The following CD200R1 variants were observed in gnomAD, a reference collection of about 807,000 sequenced individuals.
The protein encoded by CD200R1 is CD200 receptor 1, also known as cell surface glycoprotein CD200 receptor 1.
CD200R1 carries 30 observed loss-of-function variants against 38.1 expected under a neutral mutation model. That is an observed-to-expected ratio of 0.79 (90% confidence interval 0.59 to 1.07). The LOEUF is 1.07. Among genes scored for constraint, CD200R1 ranks in the 50% least tolerant of loss-of-function variants. The pLI is 0.00. For missense variants in CD200R1, 372 were observed against 415.4 expected (o/e 0.90, Z 0.91); for synonymous variants, 128 against 152.1 (o/e 0.84, Z 1.16).
intron 1 of CD200R1, among the ~76,000 whole-genome samples, chr3:112,966,858 C>T (rs1024108380): frequency 2.0e-5 from 3 of 152,096 alleles, no homozygotes; most frequent in African/African-American, 7.2e-5. Context: ...GTGCCCACAG[C>T]CTCAATTTCC....
intron 1 of CD200R1, among the ~76,000 whole-genome samples, chr3:112,970,819 A>G (rs1933288688): frequency 6.6e-6 from 1 of 152,124 alleles, no homozygotes; most frequent in Non-Finnish European, 1.5e-5. Context: ...TCTCATCTTA[A>G]TCCTCAATTT....
intron 2 of CD200R1, among the ~76,000 whole-genome samples, chr3:112,941,105 G>T (rs1940717868): frequency 6.6e-6 from 1 of 151,592 alleles, no homozygotes; most frequent in Admixed American, 6.6e-5. Flanking sequence ...AAAAAAGTTG[G>T]TCTCATAGAA....
At chr3:112,928,708 G>A (rs1432134231) in intron 5 of CD200R1, 108 bp downstream of exon 5, 2 of 793,328 alleles carry the variant, frequency 2.5e-6, no homozygotes, top group Non-Finnish European at 4.0e-6. Context: ...TAAAAATGAA[G>A]AGTGGGGAGA....
intron 2 of CD200R1, among the ~76,000 whole-genome samples, chr3:112,931,520 C>T (rs1940438871): frequency 6.6e-6 from 1 of 152,192 alleles, no homozygotes; most frequent in African/African-American, 2.4e-5. Context: ...AATTATATCC[C>T]TTTCTTCAGC....
intron 2 of CD200R1, among the ~76,000 whole-genome samples, chr3:112,938,279 G>A (rs1468570104): frequency 6.6e-6 from 1 of 152,052 alleles, no homozygotes; most frequent in South Asian, 2.1e-4. Flanking sequence ...AGTTTTCAAG[G>A]GGAATGCTTC....
intron 2 of CD200R1, among the ~76,000 whole-genome samples, chr3:112,932,372 C>T (rs573053070): frequency 1.8e-4 from 27 of 152,246 alleles, no homozygotes; most frequent in Admixed American, 9.8e-4. Flanking sequence ...CAGTCCTACC[C>T]GGGACAAACC....
In CD200R1 at chr3:112,923,604, A is replaced by C; in HGVS notation, c.*73T>G. 1.3e-6 allele frequency: 1 copy of C among 798,104 alleles called. No homozygotes were observed. The highest frequency in any genetic ancestry group is 2.1e-6 in the Non-Finnish European group (1 of 484,800). The allele number at this position is 798,104 out of a possible 1,614,324, so 49.4% of individuals were successfully genotyped here. A position where few individuals can be genotyped will look rare whatever the true frequency, so the allele number is the denominator to read the frequency against. ...TTTCAATATAAGTCTTCATTCTAGA[A>C]CTGTAAGAAAATCAGACAGTAATTA... On this transcript the variant is annotated 3_prime_UTR_variant, in exon 8 of 8. Transcript: ENST00000308611.
At chr3:112,931,883 C>T (rs1248275807) in intron 2 of CD200R1, among the ~76,000 whole-genome samples, 1 of 152,088 alleles carries the variant, frequency 6.6e-6, no homozygotes, top group Non-Finnish European at 1.5e-5. Context: ...AGCATAAAAG[C>T]ACCCTGCCTC....
chr3:112,951,215 A>G (rs926950279), intron 1 of CD200R1, among the ~76,000 whole-genome samples: 3 of 152,132 alleles, frequency 2.0e-5, no homozygotes, highest in Admixed American at 6.5e-5. Flanking sequence ...GAAAGGAAAA[A>G]TGAGGGAATA....
intron 1 of CD200R1, among the ~76,000 whole-genome samples, chr3:112,950,326 G>A (rs1413190390): frequency 3.3e-5 from 5 of 151,414 alleles, no homozygotes; most frequent in African/African-American, 7.3e-5. Context: ...GCTTGAACCC[G>A]GGAGGCAGAG....
rs567984094 is a variant in CD200R1 at position 112,921,496 on chromosome 3, G to T, written c.*2181C>A. 6.6e-6 allele frequency: 1 copy of T among 151,936 alleles called. No individual in the cohort carries two copies. Among genetic ancestry groups the T allele is most frequent in the South Asian group, 2.1e-4 (1 of 4,820 alleles). The allele number at this position is 151,936 out of a possible 1,614,324, so 9.4% of individuals were successfully genotyped here. A position where few individuals can be genotyped will look rare whatever the true frequency, so the allele number is the denominator to read the frequency against. On this transcript the variant is annotated 3_prime_UTR_variant, in exon 8 of 8. Transcript: ENST00000308611. ...AAATTGACAAATCTAGCAAAGCAAA[G>T]GAAAAGATACAAAATGGGATGGGGA...
chr3:112,928,188 G>A (rs1045486294), intron 5 of CD200R1, among the ~76,000 whole-genome samples: 5 of 152,178 alleles, frequency 3.3e-5, no homozygotes, highest in Non-Finnish European at 7.4e-5. Flanking sequence ...GTACCTACCT[G>A]TGGGGAGTTT....
intron 1 of CD200R1, among the ~76,000 whole-genome samples, chr3:112,953,473 G>A (rs542993658): frequency 3.6e-4 from 55 of 152,152 alleles, no homozygotes; most frequent in Admixed American, 1.4e-3. Flanking sequence ...CTCGTAAAAT[G>A]ACTTTGGAAG....
At chr3:112,967,683 T>C (rs1423604771) in intron 1 of CD200R1, among the ~76,000 whole-genome samples, 1 of 152,222 alleles carries the variant, frequency 6.6e-6, no homozygotes, top group Non-Finnish European at 1.5e-5. Flanking sequence ...TGCTTTGACT[T>C]ATTTTTCCTA....
intron 2 of CD200R1, among the ~76,000 whole-genome samples, chr3:112,943,377 T>C (rs1940770141): frequency 1.3e-5 from 2 of 151,578 alleles, no homozygotes; most frequent in South Asian, 4.1e-4. Context: ...TTCTAAATAA[T>C]GCATAGGTGA....
chr3:112,973,122 A>G (rs1453534423), intron 1 of CD200R1, among the ~76,000 whole-genome samples: 2 of 152,230 alleles, frequency 1.3e-5, no homozygotes, highest in Non-Finnish European at 2.9e-5. Context: ...GAAAATTACA[A>G]ATTATGTTTT....
chr3:112,950,584 A>G (rs1473814249), intron 1 of CD200R1, among the ~76,000 whole-genome samples: 1 of 152,174 alleles, frequency 6.6e-6, no homozygotes, highest in East Asian at 1.9e-4. Context: ...GACCTAATTC[A>G]TATTTTTAGT....
In CD200R1 at chr3:112,975,054, C is replaced by G; in HGVS notation, c.-197G>C. 1.8e-6 allele frequency: 1 copy of G among 552,486 alleles called. No individual in the cohort carries two copies. Among genetic ancestry groups the G allele is most frequent in the Non-Finnish European group, 3.2e-6 (1 of 308,284 alleles). The allele number at this position is 552,486 out of a possible 1,614,324, so 34.2% of individuals were successfully genotyped here. ...GGTTTAGCCTGGTTAGTAACTTGGA[C>G]GAACAGAAGCTTTTCTCTGGAACTT... On this transcript the variant is annotated 5_prime_UTR_variant, in exon 1 of 8. Transcript: ENST00000308611.
intron 1 of CD200R1, among the ~76,000 whole-genome samples, chr3:112,956,046 A>G (rs1422634832): frequency 1.3e-5 from 2 of 151,892 alleles, no homozygotes; most frequent in South Asian, 2.1e-4. Context: ...GAATATTTTT[A>G]TCTTTCTTCA....
Sources: gnomAD v4.1 joint callset for allele counts (sites outside exome capture counted in the v4.1 genomes callset) on GRCh38, gnomAD v4.1.1 for gene constraint, MANE v1.5 for transcripts, NCBI Gene and HGNC (gene_info 2026-07-23, HGNC 2026-07-21) for gene names.